TLE2: variants seen among roughly 807,000 people sequenced by gnomAD.
TLE2 encodes the protein TLE family member 2, transcriptional corepressor.
Under a neutral mutation model 97.2 loss-of-function variants are expected in TLE2, and 74 were observed. The ratio of observed to expected loss-of-function variants is 0.76; its 90% CI spans 0.63 to 0.92. TLE2 has a LOEUF of 0.92. Among genes scored for constraint, TLE2 ranks in the 40% least tolerant of loss-of-function variants. TLE2 has a pLI of 0.00. For synonymous variants in TLE2, 499 were observed against 432.1 expected, an observed-to-expected ratio of 1.15 and a Z score of -1.92; for missense variants, 1,038 against 1,008.7, an observed-to-expected ratio of 1.03 and a Z score of -0.39.
At chr19:3,009,001 G>A (rs549422422) in intron 13 of TLE2, 56 bp from the exon 14 acceptor site, 16 of 1,382,426 alleles carry the variant, frequency 1.2e-5, no homozygotes, top group Non-Finnish European at 1.6e-5. Context: ...CCACCTCTGT[G>A]CCACCCCACG....
chr19:3,021,330 G>A (rs553597984), intron 5 of TLE2, among the ~76,000 whole-genome samples: 124 of 150,354 alleles, frequency 8.2e-4, no homozygotes, highest in African/African-American at 2.9e-3. Context: ...ACTTGAACCC[G>A]GGAGTTAGAG....
intron 8 of TLE2, among the ~76,000 whole-genome samples, chr19:3,017,558 C>T (rs1207066989): frequency 6.6e-6 from 1 of 151,186 alleles, no homozygotes; most frequent in Middle Eastern, 3.4e-3. Flanking sequence ...TCAAGTGATC[C>T]TCCCACCTCA....
At position 3,005,457 on chromosome 19, in the gene TLE2, G is replaced by A; in HGVS notation, c.1876C>T (p.Gln626Ter). ...WDLREGRQLQ[Q>*]HDFSSQIFSL... ...AGCACCTGGGAGCTGAAGTCATGCT[G>A]CTGCAGCTGGCGGCCCTCCCGCAGG... The change falls in exon 17 of 20, where the codon CAG (glutamine) becomes TAG (stop). Residue 626 changes from glutamine (Q) to a stop codon, truncating the protein, a stop_gained. Transcript: ENST00000262953. LOFTEE classifies it high-confidence loss of function. The A allele has an allele frequency of 6.2e-7, 1 of 1,613,872 alleles. No homozygotes were observed. The highest frequency in any genetic ancestry group is 8.5e-7 in the Non-Finnish European group (1 of 1,179,862).
chr19:3,007,647 G>A (rs374457994), intron 14 of TLE2, among the ~76,000 whole-genome samples: 12 of 152,162 alleles, frequency 7.9e-5, no homozygotes, highest in East Asian at 5.8e-4. Context: ...GTGGTGTGGC[G>A]CATGGTAAAC....
chr19:3,016,815 G>A (rs2089717009), intron 8 of TLE2, among the ~76,000 whole-genome samples: 2 of 151,906 alleles, frequency 1.3e-5, no homozygotes, highest in African/African-American at 4.8e-5. Flanking sequence ...GTCTCGCTCT[G>A]TCGCCCAAGC....
At chr19:3,024,893 A>C in intron 5 of TLE2, 127 bp downstream of exon 5, 1 of 782,300 alleles carries the variant, frequency 1.3e-6, no homozygotes, top group South Asian at 1.8e-5. Flanking sequence ...TGCAGTGAAA[A>C]TGGTCTCTAT....
chr19:3,017,755 G>C, intron 8 of TLE2, 85 bp downstream of exon 8: 1 of 1,351,554 alleles, frequency 7.4e-7, no homozygotes. Context: ...ATCGACCTAG[G>C]TCTCATTCTG....
chr19:3,037,770 G>A (rs1163911734), intron 1 of TLE2, among the ~76,000 whole-genome samples: 1 of 152,046 alleles, frequency 6.6e-6, no homozygotes, highest in Non-Finnish European at 1.5e-5. Flanking sequence ...GGGTTTCCTT[G>A]TCTGGAACAC....
chr19:3,008,785 A>T, intron 14 of TLE2, 84 bp downstream of exon 14: 1 of 1,127,200 alleles, frequency 8.9e-7, no homozygotes, highest in South Asian at 1.9e-5. Context: ...AAGCAGGGAG[A>T]CCCCAACCAC....
At position 3,005,588 on chromosome 19, in the gene TLE2, G is replaced by C. The variant is rs754925988; in HGVS notation, c.1749-4C>G. The C allele has an allele frequency of 7.4e-6, 12 of 1,613,104 alleles. No individual in the cohort carries two copies. The South Asian group carries it at 1.3e-4, about 18-fold the overall frequency. On this transcript the variant is annotated splice_region_variant and splice_polypyrimidine_tract_variant and intron_variant, in intron 16 of 19. Coordinates refer to ENST00000262953, the MANE Select transcript of TLE2 (RefSeq NM_003260.5). The stretch of plus-strand genomic sequence containing the variant: ...GTCCGTGTGGCCCTGGAACTGCCTG[G>C]AGGGAGAAGGGCCCAGGCGTCCATC...
intron 14 of TLE2, among the ~76,000 whole-genome samples, chr19:3,007,430 T>G (rs555855250): frequency 2.0e-5 from 3 of 152,052 alleles, no homozygotes; most frequent in Non-Finnish European, 4.4e-5. Context: ...GTTATTATTT[T>G]GTAGAGATGA....
At position 3,005,477 on chromosome 19, in the gene TLE2, C is replaced by T; in HGVS notation, c.1856G>A (p.Arg619Gln). Residue 619 changes from arginine to glutamine, a missense_variant, in exon 17 of 20, where the codon CGG (arginine) becomes CAG (glutamine). By Grantham distance (43) the Arg-to-Gln change is conservative. Transcript: ENST00000262953. Reference protein sequence around the residue: ...LDNTVRCWDLREGRQLQQHDF... With the variant: ...LDNTVRCWDLQEGRQLQQHDF... ...ATGCTGCTGCAGCTGGCGGCCCTCC[C>T]GCAGGTCCCAGCAGCGCACCGTGTT... 3 of 1,613,780 alleles carry T rather than the reference C, an allele frequency of 1.9e-6. No individual in the cohort carries two copies. Among genetic ancestry groups the T allele is most frequent in the Non-Finnish European group, 2.5e-6 (3 of 1,179,804 alleles).
At chr19:2,998,236 A>AGTGTGTGTGTGTGTGTGT (rs1568227253) in intron 19 of TLE2, among the ~76,000 whole-genome samples, 1 of 85,136 alleles carries the variant, frequency 1.2e-5, no homozygotes, top group African/African-American at 5.6e-5. Flanking sequence ...ACGCCCGGCC[A>AGTGTGTGTGTGTGTGTGT]ATGTGTGTGT....
At chr19:3,026,068 G>A (rs1182052996) in intron 4 of TLE2, among the ~76,000 whole-genome samples, 2 of 152,056 alleles carry the variant, frequency 1.3e-5, no homozygotes, top group African/African-American at 4.8e-5. Flanking sequence ...CAGAAGTTTG[G>A]GACCCCTCTC....
intron 8 of TLE2, among the ~76,000 whole-genome samples, chr19:3,017,552 G>A (rs182636935): frequency 1.3e-5 from 2 of 149,522 alleles, no homozygotes; most frequent in African/African-American, 5.0e-5. Context: ...CTGGGCTCAA[G>A]TGATCCTCCC....
Position 3,029,126 on chromosome 19 carries a change from GC to G in TLE2, c.-223del. ...CCCCGGGTTGGGGTGCGCGGGGCGA[GC>G]GGGGCGGGCAGGGGCAGCGGCCGGG... is the stretch of plus-strand genomic sequence containing the variant. On this transcript the variant is annotated 5_prime_UTR_variant, in exon 1 of 20. Coordinates refer to ENST00000262953, the MANE Select transcript of TLE2 (RefSeq NM_003260.5). 1 of 1,110,916 alleles carries G rather than the reference GC, an allele frequency of 9.0e-7. No homozygotes were observed. Among genetic ancestry groups the G allele is most frequent in the Non-Finnish European group, 1.1e-6 (1 of 909,936 alleles). The allele number at this position is 1,110,916 out of a possible 1,614,324, so 68.8% of individuals were successfully genotyped here. A position where few individuals can be genotyped will look rare whatever the true frequency, so the allele number is the denominator to read the frequency against.
Position 3,010,887 on chromosome 19 carries a change from T to C in TLE2, c.1012+135A>G, listed in dbSNP as rs2089580994. Reference sequence around the variant, plus strand: ...TGCCCAGAGGGAGGCAGCGTCTAACTTGAAGTCACAAAAAGGACCAAGGCA... The same window carrying C: ...TGCCCAGAGGGAGGCAGCGTCTAACCTGAAGTCACAAAAAGGACCAAGGCA... On this transcript the variant is annotated intron_variant, in intron 12 of 19. Coordinates refer to ENST00000262953, the MANE Select transcript of TLE2 (RefSeq NM_003260.5). 4 of 1,262,572 alleles carry C rather than the reference T, an allele frequency of 3.2e-6. No individual in the cohort carries two copies. In the South Asian group the frequency reaches 4.7e-5, roughly 15 times the overall value. The allele number at this position is 1,262,572 out of a possible 1,614,324, so 78.2% of individuals were successfully genotyped here.
intron 8 of TLE2, among the ~76,000 whole-genome samples, chr19:3,016,707 G>A (rs10419127): frequency 0.02 from 2,971 of 152,212 alleles, 89 homozygotes; most frequent in African/African-American, 0.067. Flanking sequence ...TAGGCGAACG[G>A]AAGTGAGGAT....
chr19:3,027,750 G>T, intron 4 of TLE2, 79 bp downstream of exon 4: 1 of 1,458,496 alleles, frequency 6.9e-7, no homozygotes. Context: ...TCTGGCCCCG[G>T]CTGCCCACTC....
Sources: gnomAD v4.1 joint callset for allele counts (sites outside exome capture counted in the v4.1 genomes callset) on GRCh38, gnomAD v4.1.1 for gene constraint, MANE v1.5 for transcripts, NCBI Gene and HGNC (gene_info 2026-07-23, HGNC 2026-07-21) for gene names.